EPHA6: variants seen among roughly 807,000 people sequenced by gnomAD.
EPHA6 encodes EPH receptor A6.
EPHA6 carries 50 observed loss-of-function variants against 112.0 expected under a neutral mutation model. The observed-to-expected ratio is 0.45, with a 90% CI of 0.36 to 0.56. The LOEUF (loss-of-function observed/expected upper bound fraction) is 0.56, where lower values mean the gene tolerates loss of function less well. Ranked by LOEUF, EPHA6 falls within the 20% of genes least tolerant of loss-of-function variation. The probability of loss-of-function intolerance (pLI) is 0.00; values close to 1 mark genes in which losing one functional copy is unlikely to be tolerated. For synonymous variants in EPHA6, 529 were observed against 490.7 expected, an observed-to-expected ratio of 1.08 and a Z score of -1.03; for missense variants, 1,280 against 1,417.4, an observed-to-expected ratio of 0.90 and a Z score of 1.56.
chr3:97,118,752 G>A (rs576628761), intron 3 of EPHA6, among the ~76,000 whole-genome samples: 1 of 151,970 alleles, frequency 6.6e-6, no homozygotes, highest in South Asian at 2.1e-4. Context: ...TTCAATTTTT[G>A]CATCTGTAAA....
intron 5 of EPHA6, among the ~76,000 whole-genome samples, chr3:97,340,831 G>C (rs2083268230): frequency 6.6e-6 from 1 of 152,070 alleles, no homozygotes. Context: ...TATTGGATTG[G>C]GGCCCTACCC....
At chr3:97,232,427 G>T (rs1457571804) in intron 4 of EPHA6, among the ~76,000 whole-genome samples, 1 of 152,098 alleles carries the variant, frequency 6.6e-6, no homozygotes, top group African/African-American at 2.4e-5. Flanking sequence ...CAGGTTCACG[G>T]CTTCCATCAT....
chr3:97,230,307 G>A (rs536418745), intron 4 of EPHA6, among the ~76,000 whole-genome samples: 1 of 152,092 alleles, frequency 6.6e-6, no homozygotes, highest in South Asian at 2.1e-4. Flanking sequence ...ACTAGTCAAA[G>A]AAAAATAAAT....
chr3:97,525,908 G>T (rs894429418), intron 10 of EPHA6, among the ~76,000 whole-genome samples: 1 of 152,140 alleles, frequency 6.6e-6, no homozygotes, highest in Non-Finnish European at 1.5e-5. Context: ...CACGTGCAAT[G>T]ATGGATATGG....
intron 9 of EPHA6, among the ~76,000 whole-genome samples, chr3:97,483,332 G>A (rs988181315): frequency 2.0e-5 from 3 of 152,128 alleles, no homozygotes; most frequent in Admixed American, 2.0e-4. Context: ...TTCCCACCAG[G>A]ATAGACAAGC....
chr3:97,072,516 T>C (rs985391656), intron 3 of EPHA6, among the ~76,000 whole-genome samples: 10 of 152,116 alleles, frequency 6.6e-5, no homozygotes, highest in African/African-American at 1.9e-4. Flanking sequence ...CATCTTGATA[T>C]TGGACTTCTA....
intron 5 of EPHA6, among the ~76,000 whole-genome samples, chr3:97,268,148 A>T (rs2079753291): frequency 6.6e-6 from 1 of 152,172 alleles, no homozygotes; most frequent in African/African-American, 2.4e-5. Flanking sequence ...TCTGTTTGCA[A>T]GACAGAGAAA....
chr3:97,405,293 T>G lies in EPHA6; in HGVS notation c.1731+19T>G. The G allele has an allele frequency of 6.2e-7, 1 of 1,604,840 alleles. No individual in the cohort carries two copies. The highest frequency in any genetic ancestry group is 8.5e-7 in the Non-Finnish European group (1 of 1,173,860). ...TGAGAAAGTAGGTCTTATTTGGAGC[T>G]TCCTATAAAACTACATATATATGCA... On this transcript the variant is annotated intron_variant, in intron 6 of 17. Transcript: ENST00000389672.
chr3:97,528,422 A>G lies in EPHA6; in HGVS notation c.2201-3936A>G, dbSNP rs565108711. On this transcript the variant is annotated intron_variant, in intron 10 of 17. Coordinates refer to ENST00000389672, the MANE Select transcript of EPHA6 (RefSeq NM_001080448.3). ...CAGCCTTTATCACTAATAAGGAGCC[A>G]TACACATAGAGAAGAACTGAGGAGA... 3.9e-5 allele frequency among the ~76,000 whole-genome samples: 6 copies of G among 152,280 alleles called. No homozygotes were observed. The East Asian group carries it at 1.2e-3, about 29-fold the overall frequency.
intron 13 of EPHA6, among the ~76,000 whole-genome samples, chr3:97,628,309 G>A (rs1459069982): frequency 6.6e-6 from 1 of 151,882 alleles, no homozygotes; most frequent in Non-Finnish European, 1.5e-5. Flanking sequence ...GAAAATCAAG[G>A]ACAACATTTA....
At chr3:97,547,663 G>A (rs2092972565) in intron 11 of EPHA6, among the ~76,000 whole-genome samples, 1 of 152,184 alleles carries the variant, frequency 6.6e-6, no homozygotes, top group Non-Finnish European at 1.5e-5. Context: ...CCCAGAGGTG[G>A]AGCCTACAGA....
At chr3:97,003,652 T>C (rs2043758326) in intron 3 of EPHA6, among the ~76,000 whole-genome samples, 1 of 152,192 alleles carries the variant, frequency 6.6e-6, no homozygotes, top group South Asian at 2.1e-4. Flanking sequence ...CTTTCCTATT[T>C]CTTTTTTTCT....
At chr3:97,171,379 GTAA>G (rs1412518026) in intron 3 of EPHA6, among the ~76,000 whole-genome samples, 5 of 152,044 alleles carry the variant, frequency 3.3e-5, no homozygotes, top group African/African-American at 1.2e-4. Context: ...GTGTAGGAGA[GTAA>G]TAATATCATT....
At chr3:96,892,271 A>G (rs2038007690) in intron 2 of EPHA6, among the ~76,000 whole-genome samples, 2 of 152,226 alleles carry the variant, frequency 1.3e-5, no homozygotes, top group East Asian at 3.9e-4. Flanking sequence ...CCCAGGCTGG[A>G]GTACAGTGGT....
chr3:97,546,475 T>G (rs1246138576), intron 11 of EPHA6, among the ~76,000 whole-genome samples: 1 of 152,198 alleles, frequency 6.6e-6, no homozygotes, highest in Non-Finnish European at 1.5e-5. Context: ...TAACCCGACC[T>G]TTCTCTCTGG....
At chr3:97,514,772 C>G (rs2092421415) in intron 10 of EPHA6, among the ~76,000 whole-genome samples, 1 of 152,228 alleles carries the variant, frequency 6.6e-6, no homozygotes, top group Non-Finnish European at 1.5e-5. Flanking sequence ...ATCCCTCTCT[C>G]TCCACACTCA....
chr3:97,528,167 A>G (rs540422540), intron 10 of EPHA6, among the ~76,000 whole-genome samples: 16 of 152,238 alleles, frequency 1.1e-4, no homozygotes, highest in Non-Finnish European at 5.9e-5. Context: ...AGACAAAATT[A>G]TTAAGTGACC....
At chr3:97,347,158 T>A (rs1175934999) in intron 5 of EPHA6, among the ~76,000 whole-genome samples, 1 of 152,178 alleles carries the variant, frequency 6.6e-6, no homozygotes, top group Admixed American at 6.6e-5. Flanking sequence ...CATGAAATCC[T>A]GTAGGATTTA....
intron 3 of EPHA6, among the ~76,000 whole-genome samples, chr3:97,159,828 C>T (rs1559764344): frequency 6.6e-6 from 1 of 152,086 alleles, no homozygotes; most frequent in Non-Finnish European, 1.5e-5. Flanking sequence ...TCTGTAAATC[C>T]ACAGAAGTTT....
Sources: allele counts gnomAD v4.1 joint callset (sites outside exome capture counted in the v4.1 genomes callset), GRCh38; gene constraint gnomAD v4.1.1; transcripts MANE v1.5; gene names NCBI Gene and HGNC (gene_info 2026-07-23, HGNC 2026-07-21).